Variants in PTGFRN observed in about 807,000 individuals in gnomAD.
PTGFRN encodes prostaglandin F2 receptor negative regulator.
A neutral mutation model predicts 83.2 loss-of-function variants in PTGFRN; 35 were observed. The ratio of observed to expected loss-of-function variants is 0.42; its 90% CI spans 0.32 to 0.56. The LOEUF (loss-of-function observed/expected upper bound fraction) is 0.56, where lower values mean the gene tolerates loss of function less well. Ranked by LOEUF, PTGFRN falls within the 20% of genes least tolerant of loss-of-function variation. The pLI is 0.11. For synonymous variants in PTGFRN, 519 were observed against 498.6 expected (o/e 1.04, Z -0.55); for missense variants, 1,051 against 1,179.5 (o/e 0.89, Z 1.60).
At chr1:116,975,266 C>A (rs1316334030) in intron 7 of PTGFRN, among the ~76,000 whole-genome samples, 1 of 152,236 alleles carries the variant, frequency 6.6e-6, no homozygotes, top group Non-Finnish European at 1.5e-5. Flanking sequence ...CTCAAGGAGG[C>A]CTGCCTGCCT....
intron 1 of PTGFRN, among the ~76,000 whole-genome samples, chr1:116,922,194 G>C (rs1484576346): frequency 6.6e-6 from 1 of 152,174 alleles, no homozygotes; most frequent in Non-Finnish European, 1.5e-5. Flanking sequence ...CAGGAAGCCA[G>C]CCTGCTAAAT....
chr1:116,982,277 A>G (rs937040175), intron 7 of PTGFRN, among the ~76,000 whole-genome samples: 1 of 152,196 alleles, frequency 6.6e-6, no homozygotes, highest in Non-Finnish European at 1.5e-5. Context: ...CTTTTCCTCC[A>G]GTGTAATTAA....
chr1:116,961,227 T>G lies in PTGFRN; in HGVS notation c.1214-16T>G, dbSNP rs1466416765. On this transcript the variant is annotated splice_polypyrimidine_tract_variant and intron_variant, in intron 4 of 8. Coordinates refer to ENST00000393203, the MANE Select transcript of PTGFRN (RefSeq NM_020440.4). This position sits in a 1 kb window ranked among gnomAD's most constrained non-coding sequence, Gnocchi z 5.4. ...CTAATTATTTTCCTATCCTGGCCTT[T>G]CTGTCTCTCGTTCAGAACCAGACTA... The G allele has an allele frequency of 6.7e-7, 1 of 1,502,304 alleles. No individual in the cohort carries two copies. The highest frequency in any genetic ancestry group is 1.4e-5 in the South Asian group (1 of 69,220). The allele number at this position is 1,502,304 out of a possible 1,614,324, so 93.1% of individuals were successfully genotyped here.
intron 4 of PTGFRN, among the ~76,000 whole-genome samples, chr1:116,959,208 C>T (rs1650578410): frequency 1.3e-5 from 2 of 152,118 alleles, no homozygotes; most frequent in Middle Eastern, 3.2e-3. Context: ...GTATTAGCAC[C>T]ATGCTCAGGT....
chr1:116,956,439 T>C (rs1310985283), intron 4 of PTGFRN, among the ~76,000 whole-genome samples: 1 of 152,222 alleles, frequency 6.6e-6, no homozygotes, highest in Admixed American at 6.5e-5. Context: ...TTTGGGTATG[T>C]AGGATTCAAA....
chr1:116,966,252 G>T (rs912215129), intron 5 of PTGFRN, among the ~76,000 whole-genome samples: 13 of 152,248 alleles, frequency 8.5e-5, no homozygotes, highest in African/African-American at 1.9e-4. Flanking sequence ...TAAAGTTAGC[G>T]TAGCCATAGA....
chr1:116,944,588 A>G, intron 2 of PTGFRN, 91 bp from the exon 3 acceptor site: 2 of 1,237,114 alleles, frequency 1.6e-6, no homozygotes, highest in East Asian at 3.2e-5. Flanking sequence ...GAAAGGGAGG[A>G]GGAAATTGTC....
At chr1:116,962,854 GTC>G (rs1650704284) in intron 5 of PTGFRN, among the ~76,000 whole-genome samples, 1 of 152,136 alleles carries the variant, frequency 6.6e-6, no homozygotes, top group Non-Finnish European at 1.5e-5. Flanking sequence ...GTGTCTTCAC[GTC>G]TCTCTCACTA....
chr1:116,975,037 T>A (rs969415253), intron 7 of PTGFRN, among the ~76,000 whole-genome samples: 3 of 152,168 alleles, frequency 2.0e-5, no homozygotes, highest in Non-Finnish European at 4.4e-5. Flanking sequence ...AATACTGCGC[T>A]TTTCCTATGG....
At chr1:116,937,453 G>A (rs896938876) in intron 1 of PTGFRN, among the ~76,000 whole-genome samples, 7 of 152,210 alleles carry the variant, frequency 4.6e-5, no homozygotes, top group Non-Finnish European at 1.5e-5. Flanking sequence ...GGTGCTGGCC[G>A]GGGCCAGGGT....
At chr1:116,942,168 A>G in intron 2 of PTGFRN, 85 bp downstream of exon 2, 6 of 1,485,930 alleles carry the variant, frequency 4.0e-6, no homozygotes, top group Non-Finnish European at 5.4e-6. Flanking sequence ...AAGAGACTTA[A>G]TTTCTCTGAG....
At chr1:116,960,890 G>A (rs1650631339) in intron 4 of PTGFRN, among the ~76,000 whole-genome samples, 1 of 152,078 alleles carries the variant, frequency 6.6e-6, no homozygotes, top group Admixed American at 6.6e-5. Flanking sequence ...CTTGGTAGGG[G>A]GTGGACACTG....
chr1:116,976,858 A>G (rs577475765), intron 7 of PTGFRN, among the ~76,000 whole-genome samples: 35 of 152,352 alleles, frequency 2.3e-4, no homozygotes, highest in Admixed American at 2.2e-3. Flanking sequence ...GACAGGATCA[A>G]ATTCACACAT....
chr1:116,964,013 C>CA (rs1356323555), intron 5 of PTGFRN, among the ~76,000 whole-genome samples: 2 of 152,024 alleles, frequency 1.3e-5, no homozygotes, highest in African/African-American at 4.8e-5. Flanking sequence ...CTCCTGACCT[C>CA]AAACGATCCT....
intron 4 of PTGFRN, among the ~76,000 whole-genome samples, chr1:116,953,853 CTTT>C (rs531278323): frequency 7.4e-5 from 10 of 135,004 alleles, no homozygotes; most frequent in Non-Finnish European, 9.6e-5. Flanking sequence ...ATGAATATTT[CTTT>C]TTTTTTTTTT....
Position 116,944,853 on chromosome 1 carries a change from C to T in PTGFRN, c.593C>T (p.Ala198Val). 6.2e-7 allele frequency: 1 copy of T among 1,600,334 alleles called. No homozygotes were observed. The highest frequency in any genetic ancestry group is 8.5e-7 in the Non-Finnish European group (1 of 1,175,356). ...GGCCCGGCCAGGCGGAGCGTCCTCG[C>T]CCTGACCCACGAGGGCAGGTTCCAC... is the stretch of plus-strand genomic sequence containing the variant. ...HRGPARRSVL[A>V]LTHEGRFHPG... Residue 198 changes from alanine (A) to valine (V), a missense_variant, in exon 3 of 9, where the codon GCC (alanine) becomes GTC (valine). Physicochemically the swap from Ala to Val is moderately conservative, Grantham distance 64. This residue lies in a region of PTGFRN where 205 missense variants were observed against 174.5 expected (regional missense o/e 1.17). Coordinates refer to ENST00000393203, the MANE Select transcript of PTGFRN (RefSeq NM_020440.4).
chr1:116,929,209 A>G (rs1466059677), intron 1 of PTGFRN, among the ~76,000 whole-genome samples: 2 of 152,188 alleles, frequency 1.3e-5, no homozygotes, highest in Non-Finnish European at 2.9e-5. Flanking sequence ...ACATTCAAAA[A>G]GTCAGTTTGT....
At chr1:116,981,940 G>A (rs898830548) in intron 7 of PTGFRN, among the ~76,000 whole-genome samples, 1 of 152,134 alleles carries the variant, frequency 6.6e-6, no homozygotes, top group Non-Finnish European at 1.5e-5. Flanking sequence ...GAGAGTTTAT[G>A]GGAGATGTTA....
At chr1:116,966,489 A>T (rs1013248786) in intron 5 of PTGFRN, among the ~76,000 whole-genome samples, 2 of 152,178 alleles carry the variant, frequency 1.3e-5, no homozygotes, top group African/African-American at 2.4e-5. Context: ...ACCCCTGGGG[A>T]GGAGAGGCAA....
Sources: allele counts gnomAD v4.1 joint callset (sites outside exome capture counted in the v4.1 genomes callset), GRCh38; gene constraint gnomAD v4.1.1; regional missense constraint gnomAD v4.1.1; non-coding constraint Gnocchi (gnomAD v3.1); transcripts MANE v1.5; gene names NCBI Gene and HGNC (gene_info 2026-07-23, HGNC 2026-07-21).